The following NARS2 variants were observed in gnomAD, a reference collection of about 807,000 sequenced individuals.
NARS2 encodes the protein asparaginyl-tRNA synthetase.
Under a neutral mutation model 62.9 loss-of-function variants are expected in NARS2, and 60 were observed. That is an observed-to-expected ratio of 0.95 (90% CI 0.77 to 1.18). NARS2 has a LOEUF of 1.18. Ranked by LOEUF, NARS2 falls within the 50% of genes most tolerant of loss-of-function variation. The pLI is 0.00. For missense variants in NARS2, 619 were observed against 576.4 expected, an observed-to-expected ratio of 1.07 and a Z score of -0.76; for synonymous variants, 196 against 200.0, an observed-to-expected ratio of 0.98 and a Z score of 0.17.
chr11:78,561,661 T>A (rs569805632), intron 4 of NARS2, among the ~76,000 whole-genome samples: 1 of 152,090 alleles, frequency 6.6e-6, no homozygotes, highest in Non-Finnish European at 1.5e-5. Context: ...GAAACTGAAA[T>A]AACTATTATT....
intron 11 of NARS2, among the ~76,000 whole-genome samples, chr11:78,462,866 C>T (rs1417656311): frequency 1.3e-5 from 2 of 151,852 alleles, no homozygotes; most frequent in African/African-American, 2.4e-5. Context: ...CTAGTGGGCC[C>T]TAATCTACAT....
intron 9 of NARS2, among the ~76,000 whole-genome samples, chr11:78,473,432 T>G (rs1005258774): frequency 6.6e-6 from 1 of 152,232 alleles, no homozygotes; most frequent in Non-Finnish European, 1.5e-5. Context: ...TATTTCCCTG[T>G]GTATTTGGAG....
At chr11:78,465,322 G>A (rs1056467179) in intron 11 of NARS2, among the ~76,000 whole-genome samples, 2 of 152,240 alleles carry the variant, frequency 1.3e-5, no homozygotes, top group African/African-American at 2.4e-5. Context: ...AGCCGGCTCC[G>A]GCCTTGGCCA....
At chr11:78,569,063 A>G (rs185302968) in intron 2 of NARS2, among the ~76,000 whole-genome samples, 26 of 152,318 alleles carry the variant, frequency 1.7e-4, no homozygotes, top group African/African-American at 5.5e-4. Context: ...TACAGAATAC[A>G]TGGGAAAACT....
chr11:78,574,615 GC>G lies in NARS2; in HGVS notation c.-128del, dbSNP rs553845137. On this transcript the variant is annotated 5_prime_UTR_variant, in exon 1 of 14. Coordinates refer to ENST00000281038, the MANE Select transcript of NARS2 (RefSeq NM_024678.6). ...CAGCTCTGCTCTAAGGCACTCCAGAGCCCCTCGGCTGCGCGCTTTCTCCTTC... is the reference window on the plus strand; with the variant it reads ...CAGCTCTGCTCTAAGGCACTCCAGAGCCCTCGGCTGCGCGCTTTCTCCTTC... The G allele has an allele frequency of 1.4e-4, 145 of 1,061,392 alleles. No homozygotes were observed. The African/African-American group carries it at 2.2e-3, about 16-fold the overall frequency. 65.7% of individuals were successfully genotyped at this position (1,061,392 alleles called of 1,614,324 possible). A position where few individuals can be genotyped will look rare whatever the true frequency, so the allele number is the denominator to read the frequency against.
intron 9 of NARS2, among the ~76,000 whole-genome samples, chr11:78,470,640 G>A (rs530014288): frequency 2.0e-5 from 3 of 151,994 alleles, no homozygotes; most frequent in East Asian, 3.9e-4. Context: ...GATATTTCAC[G>A]TTCTAATCTT....
chr11:78,463,053 C>T (rs990903192), intron 11 of NARS2, among the ~76,000 whole-genome samples: 2 of 151,864 alleles, frequency 1.3e-5, no homozygotes, highest in South Asian at 2.1e-4. Context: ...TATATTATTG[C>T]CAACTTTAAA....
intron 12 of NARS2, among the ~76,000 whole-genome samples, chr11:78,441,968 G>C (rs1857589442): frequency 6.6e-6 from 1 of 152,168 alleles, no homozygotes; most frequent in Non-Finnish European, 1.5e-5. Context: ...TGCATCTAAT[G>C]TGACCAGGAA....
intron 6 of NARS2, among the ~76,000 whole-genome samples, chr11:78,500,661 G>T (rs775249227): frequency 5.3e-5 from 8 of 151,958 alleles, no homozygotes; most frequent in Non-Finnish European, 1.2e-4. Flanking sequence ...TTTTATAGAT[G>T]GGGGTTTCAC....
chr11:78,464,429 T>C (rs569119798), intron 11 of NARS2, among the ~76,000 whole-genome samples: 19 of 152,254 alleles, frequency 1.2e-4, no homozygotes, highest in Middle Eastern at 3.4e-3. Context: ...ATCCTGCTGA[T>C]TGGTAGAGCA....
intron 5 of NARS2, among the ~76,000 whole-genome samples, chr11:78,529,567 A>G (rs1029422726): frequency 6.6e-6 from 1 of 152,238 alleles, no homozygotes; most frequent in Non-Finnish European, 1.5e-5. Flanking sequence ...GAAACAAGCC[A>G]TTCAACATTT....
rs974634098 is a variant in NARS2 at position 78,488,289 on chromosome 11, G to T, written c.822+4774C>A. Among the ~76,000 whole-genome samples the T allele has an allele frequency of 2.0e-5, 3 of 151,626 alleles. No homozygotes were observed. In the East Asian group the frequency reaches 5.8e-4, roughly 29 times the overall value. On this transcript the variant is annotated intron_variant, in intron 7 of 13. Coordinates refer to ENST00000281038, the MANE Select transcript of NARS2 (RefSeq NM_024678.6). ...GTGATTAAGAATCTTTAAATGATGA[G>T]ATTATTCTAGATTATGTGGGTGGGA...
intron 7 of NARS2, among the ~76,000 whole-genome samples, chr11:78,485,962 C>T (rs1226479957): frequency 6.6e-6 from 1 of 152,144 alleles, no homozygotes; most frequent in Non-Finnish European, 1.5e-5. Context: ...GCAATCTCCG[C>T]CTCCCAGGTT....
intron 6 of NARS2, among the ~76,000 whole-genome samples, chr11:78,500,751 C>T (rs1247819015): frequency 1.3e-5 from 2 of 152,112 alleles, no homozygotes; most frequent in Non-Finnish European, 2.9e-5. Context: ...TATCTACCAA[C>T]GTTTACTACT....
chr11:78,505,454 GT>G (rs969856149), intron 6 of NARS2, among the ~76,000 whole-genome samples: 78 of 145,118 alleles, frequency 5.4e-4, no homozygotes, highest in African/African-American at 5.5e-4. Flanking sequence ...TTCTGATGGA[GT>G]TTTTTTTTTT....
intron 11 of NARS2, among the ~76,000 whole-genome samples, chr11:78,449,825 C>G (rs1320505058): frequency 6.6e-6 from 1 of 152,128 alleles, no homozygotes; most frequent in African/African-American, 2.4e-5. Flanking sequence ...TACAAATGTT[C>G]CTTGGTGAAG....
intron 5 of NARS2, among the ~76,000 whole-genome samples, chr11:78,554,500 C>CATGTGTGCGTGTGT (rs1555041387): frequency 9.4e-5 from 4 of 42,594 alleles, no homozygotes; most frequent in Non-Finnish European, 1.8e-4. Flanking sequence ...TATTCCTAGG[C>CATGTGTGCGTGTGT]GTGTGTGCGT....
At chr11:78,500,286 C>T (rs1860233013) in intron 6 of NARS2, among the ~76,000 whole-genome samples, 2 of 152,048 alleles carry the variant, frequency 1.3e-5, no homozygotes, top group African/African-American at 2.4e-5. Context: ...TTCTGTAAGA[C>T]TAAATTTCCC....
In NARS2 at chr11:78,571,438, T is replaced by C; in HGVS notation, c.148A>G (p.Ile50Val). Residue 50 changes from isoleucine (I) to valine (V), a missense_variant, in exon 2 of 14, where the codon ATT becomes GTT. Ile to Val is a conservative substitution (Grantham distance 29). Transcript: ENST00000281038. ...TCCTTCTGGGATCGGACAGAACGAATCCATCCCTAAGGAAGAGAAATATTT... is the reference window on the plus strand; with the variant it reads ...TCCTTCTGGGATCGGACAGAACGAACCCATCCCTAAGGAAGAGAAATATTT... ...SGERIKIQGW[I>V]RSVRSQKEVL... 6.2e-7 allele frequency: 1 copy of C among 1,608,232 alleles called. No homozygotes were observed. Among genetic ancestry groups the C allele is most frequent in the Non-Finnish European group, 8.5e-7 (1 of 1,175,550 alleles).
Sources: allele counts gnomAD v4.1 joint callset (sites outside exome capture counted in the v4.1 genomes callset), GRCh38; gene constraint gnomAD v4.1.1; transcripts MANE v1.5; gene names NCBI Gene and HGNC (gene_info 2026-07-23, HGNC 2026-07-21).